The following CPSF2 variants were observed in gnomAD, a reference collection of about 807,000 sequenced individuals.
CPSF2 encodes the protein cleavage and polyadenylation specificity factor subunit 2.
CPSF2 carries 51 observed loss-of-function variants against 84.2 expected under a neutral mutation model. The ratio of observed to expected loss-of-function variants is 0.61; its 90% CI spans 0.48 to 0.77. The LOEUF is 0.77. Among genes scored for constraint, CPSF2 ranks in the 30% least tolerant of loss-of-function variants. The probability of loss-of-function intolerance (pLI) is 0.00; values close to 1 mark genes in which losing one functional copy is unlikely to be tolerated. For missense variants in CPSF2, 641 were observed against 929.4 expected (o/e 0.69, Z 4.03); for synonymous variants, 286 against 311.9 (o/e 0.92, Z 0.87).
At chr14:92,138,857 A>G (rs1015161008) in intron 7 of CPSF2, among the ~76,000 whole-genome samples, 3 of 152,192 alleles carry the variant, frequency 2.0e-5, no homozygotes, top group African/African-American at 7.2e-5. Context: ...GTGGAAATGC[A>G]TGGTAGTGGG....
rs71461958 is a variant in CPSF2, at chr14:92,165,854, CTTTTTTTTTT to C, written c.*4126_*4135del. ...CAGTTCTTTGTGCTTGGTTTTATAT[CTTTTTTTTTT>C]TTTTTTTTTTTTTTTGAGATGGAGT... On this transcript the variant is annotated 3_prime_UTR_variant, in exon 16 of 16. Coordinates refer to ENST00000298875, the MANE Select transcript of CPSF2 (RefSeq NM_017437.3). 9 of 50,622 alleles carry C rather than the reference CTTTTTTTTTT, an allele frequency of 1.8e-4. No individual in the cohort carries two copies. Among genetic ancestry groups the C allele is most frequent in the African/African-American group, 4.6e-4 (5 of 10,756 alleles). 3.1% of individuals were successfully genotyped at this position (50,622 alleles called of 1,614,324 possible). A position where few individuals can be genotyped will look rare whatever the true frequency, so the allele number is the denominator to read the frequency against.
intron 7 of CPSF2, among the ~76,000 whole-genome samples, chr14:92,140,194 C>T (rs75643671): frequency 0.099 from 14,993 of 151,174 alleles, 821 homozygotes; most frequent in East Asian, 0.15. Context: ...CCTTGTGATC[C>T]GCCCACCTCG....
Position 92,143,116 on chromosome 14 carries a change from CT to C in CPSF2, c.963del (p.Ser322AlafsTer34), listed in dbSNP as rs780112766. ...CHGLSDLARV[P>X]SPKVVLASQP... The stretch of plus-strand genomic sequence containing the variant: ...GGTCTTTCTGACTTGGCCCGTGTAC[CT>C]AGCCCTAAAGTTGTACTTGCCAGCC... On this transcript the variant is annotated frameshift_variant, in exon 9 of 16. Transcript: ENST00000298875. LOFTEE classifies it high-confidence loss of function. 1 of 1,614,100 alleles carries C rather than the reference CT, an allele frequency of 6.2e-7. No individual in the cohort carries two copies. Among genetic ancestry groups the C allele is most frequent in the South Asian group, 1.1e-5 (1 of 91,086 alleles).
rs749189775 is a variant in CPSF2 at position 92,159,053 on chromosome 14, TA to T, written c.1893del (p.Ile631MetfsTer5). 1.9e-6 allele frequency: 3 copies of T among 1,614,118 alleles called. No individual in the cohort carries two copies. The highest frequency in any genetic ancestry group is 2.5e-6 in the Non-Finnish European group (3 of 1,179,978). ...GCAAAAGATGCTGAATTAGCTTGGATAGATGGTGTCTTAGATATGAGAGTTT... is the reference window on the plus strand; with the variant it reads ...GCAAAAGATGCTGAATTAGCTTGGATGATGGTGTCTTAGATATGAGAGTTT... ...CKAKDAELAWIDGVLDMRVSK... is the reference protein window; with the variant it reads ...CKAKDAELAWXDGVLDMRVSK... On this transcript the variant is annotated frameshift_variant, in exon 14 of 16. Coordinates refer to ENST00000298875, the MANE Select transcript of CPSF2 (RefSeq NM_017437.3). LOFTEE classifies it high-confidence loss of function.
intron 3 of CPSF2, among the ~76,000 whole-genome samples, chr14:92,132,065 C>T (rs573294342): frequency 1.8e-4 from 28 of 152,180 alleles, no homozygotes; most frequent in African/African-American, 6.5e-4. Flanking sequence ...AAAGCTGGGA[C>T]AAAAATCCAT....
chr14:92,129,711 A>G (rs2068890256), intron 2 of CPSF2, among the ~76,000 whole-genome samples: 1 of 152,062 alleles, frequency 6.6e-6, no homozygotes, highest in Non-Finnish European at 1.5e-5. Flanking sequence ...TAAAAAATGT[A>G]TATATTTTAT....
Position 92,126,179 on chromosome 14 carries a change from CAGTA to C in CPSF2, c.-35+4_-35+7del, listed in dbSNP as rs1439443105. 1 of 152,114 alleles carries C rather than the reference CAGTA, an allele frequency of 6.6e-6. No individual in the cohort carries two copies. The highest frequency in any genetic ancestry group is 1.5e-5 in the Non-Finnish European group (1 of 68,020). The allele number at this position is 152,114 out of a possible 1,614,324, so 9.4% of individuals were successfully genotyped here. ...TTCATCATATATACGACTAAGATAT[CAGTA>C]AGTAGTGAATGTTTGATAAAGATAT... is the stretch of plus-strand genomic sequence containing the variant. On this transcript the variant is annotated splice_donor_variant and splice_donor_region_variant and 5_prime_UTR_variant and intron_variant, in exon 2 of 16. Transcript: ENST00000298875. LOFTEE classifies it low-confidence loss of function (5UTR_SPLICE).
chr14:92,148,214 A>G (rs1429121204), intron 9 of CPSF2, among the ~76,000 whole-genome samples: 1 of 152,216 alleles, frequency 6.6e-6, no homozygotes, highest in Non-Finnish European at 1.5e-5. Context: ...AAGTTACAAA[A>G]ATATTATACC....
At position 92,162,024 on chromosome 14, in the gene CPSF2, G is replaced by A. The variant is rs1045944477; in HGVS notation, c.*280G>A. On this transcript the variant is annotated 3_prime_UTR_variant, in exon 16 of 16. Coordinates refer to ENST00000298875, the MANE Select transcript of CPSF2 (RefSeq NM_017437.3). ...TTTACAGACTCCTTGTTCTCTAGAA[G>A]GGCTTTTTACTTGAATAAAACAATG... 1 of 222,746 alleles carries A rather than the reference G, an allele frequency of 4.5e-6. No individual in the cohort carries two copies. The highest frequency in any genetic ancestry group is 2.3e-5 in the African/African-American group (1 of 43,984). 13.8% of individuals were successfully genotyped at this position (222,746 alleles called of 1,614,324 possible). A position where few individuals can be genotyped will look rare whatever the true frequency, so the allele number is the denominator to read the frequency against.
chr14:92,143,327 C>G (rs371033801), intron 9 of CPSF2, 33 bp downstream of exon 9: 18 of 1,360,472 alleles, frequency 1.3e-5, no homozygotes, highest in Non-Finnish European at 1.8e-5. Context: ...TATCTTAAAA[C>G]TGTTTGGGGG....
rs954238310 is a variant in CPSF2 at position 92,171,776 on chromosome 14, A to G, written c.*10032A>G. On this transcript the variant is annotated 3_prime_UTR_variant, in exon 16 of 16. Coordinates refer to ENST00000298875, the MANE Select transcript of CPSF2 (RefSeq NM_017437.3). ...AAGTACACACTGATACCTATTTCACATCTACTCCACAGAGTTTATTCTAGT... is the reference window on the plus strand; with the variant it reads ...AAGTACACACTGATACCTATTTCACGTCTACTCCACAGAGTTTATTCTAGT... The G allele has an allele frequency of 1.3e-5, 2 of 152,178 alleles. No individual in the cohort carries two copies. The highest frequency in any genetic ancestry group is 4.8e-5 in the African/African-American group (2 of 41,438). The allele number at this position is 152,178 out of a possible 1,614,324, so 9.4% of individuals were successfully genotyped here.
intron 2 of CPSF2, 143 bp from the exon 3 acceptor site, chr14:92,130,808 G>T: frequency 2.0e-6 from 1 of 510,748 alleles, no homozygotes. Flanking sequence ...ACTTGGCAAT[G>T]ATGGAAATGG....
intron 6 of CPSF2, among the ~76,000 whole-genome samples, chr14:92,137,228 T>G (rs928817119): frequency 6.6e-6 from 1 of 152,140 alleles, no homozygotes; most frequent in Non-Finnish European, 1.5e-5. Context: ...TTTTTATGTA[T>G]TTTTTTGAAA....
Position 92,130,129 on chromosome 14 carries a change from C to T in CPSF2, c.-34-822C>T, listed in dbSNP as rs74074425. Reference sequence around the variant, plus strand: ...GCATTTCATCAGATATATGTTGAAGCGTGCATCAGGTTCTATTTAGGGAGT... The same window carrying T: ...GCATTTCATCAGATATATGTTGAAGTGTGCATCAGGTTCTATTTAGGGAGT... On this transcript the variant is annotated intron_variant, in intron 2 of 15. Coordinates refer to ENST00000298875, the MANE Select transcript of CPSF2 (RefSeq NM_017437.3). Among the ~76,000 whole-genome samples, 1,228 of 152,290 alleles carry T rather than the reference C, an allele frequency of 8.1e-3. 20 individuals carry two copies. Among genetic ancestry groups the T allele is most frequent in the African/African-American group, 0.028 (1,178 of 41,548 alleles).
intron 9 of CPSF2, among the ~76,000 whole-genome samples, chr14:92,149,330 C>T (rs1319469733): frequency 6.6e-6 from 1 of 152,168 alleles, no homozygotes; most frequent in Non-Finnish European, 1.5e-5. Context: ...ATGCCTATTC[C>T]TAACACTTTG....
chr14:92,123,389 C>A (rs539170696), intron 1 of CPSF2, among the ~76,000 whole-genome samples: 1 of 152,124 alleles, frequency 6.6e-6, no homozygotes, highest in Non-Finnish European at 1.5e-5. Context: ...CAGGCGTGAG[C>A]CACCGCGCCT....
At position 92,142,316 on chromosome 14, in the gene CPSF2, G is replaced by A; in HGVS notation, c.814G>A (p.Val272Ile). The change falls in exon 8 of 16, where the codon GTC (valine) becomes ATC (isoleucine). Residue 272 changes from valine to isoleucine, a missense_variant. Physicochemically the swap from Val to Ile is conservative, Grantham distance 29. Transcript: ENST00000298875. ...TTACTCATTGGCACTCCTAAATAAT[G>A]TCAGTTACAATGTGGTGGAGTTTTC... The part of the protein sequence containing the change: ...GVYSLALLNN[V>I]SYNVVEFSKS... 1.2e-6 allele frequency: 2 copies of A among 1,613,544 alleles called. No individual in the cohort carries two copies. Among genetic ancestry groups the A allele is most frequent in the Non-Finnish European group, 1.7e-6 (2 of 1,179,660 alleles).
At chr14:92,129,463 G>T (rs2068887324) in intron 2 of CPSF2, among the ~76,000 whole-genome samples, 1 of 152,170 alleles carries the variant, frequency 6.6e-6, no homozygotes, top group Non-Finnish European at 1.5e-5. Context: ...GCCCCTGTCA[G>T]CCTCTTATGA....
At chr14:92,155,559 T>C (rs1316434568) in intron 11 of CPSF2, among the ~76,000 whole-genome samples, 2 of 152,204 alleles carry the variant, frequency 1.3e-5, no homozygotes, top group African/African-American at 4.8e-5. Context: ...GACTTAGTTG[T>C]GTAAAGGTTT....
Sources: allele counts gnomAD v4.1 joint callset (sites outside exome capture counted in the v4.1 genomes callset), GRCh38; gene constraint gnomAD v4.1.1; transcripts MANE v1.5; gene names NCBI Gene and HGNC (gene_info 2026-07-23, HGNC 2026-07-21).